Variants in CYB561 observed in about 807,000 individuals in gnomAD.
CYB561 encodes cytochrome b561.
A neutral mutation model predicts 25.3 loss-of-function variants in CYB561; 11 were observed. That is an observed-to-expected ratio of 0.44 (90% CI 0.27 to 0.72). The LOEUF (loss-of-function observed/expected upper bound fraction) is 0.72, where lower values mean the gene tolerates loss of function less well. Among genes scored for constraint, CYB561 ranks in the 30% least tolerant of loss-of-function variants. CYB561 has a pLI of 0.18. For missense variants in CYB561, 295 were observed against 334.9 expected (o/e 0.88, Z 0.93); for synonymous variants, 165 against 158.8 (o/e 1.04, Z -0.29).
At chr17:63,438,927 C>G (rs113187354) in intron 1 of CYB561, among the ~76,000 whole-genome samples, 35 of 152,326 alleles carry the variant, frequency 2.3e-4, no homozygotes, top group African/African-American at 8.2e-4. Flanking sequence ...CTGCCATGGC[C>G]CACAGTTGCC....
intron 1 of CYB561, among the ~76,000 whole-genome samples, chr17:63,442,395 G>C (rs1024643664): frequency 1.1e-4 from 16 of 152,194 alleles, no homozygotes; most frequent in Non-Finnish European, 5.9e-5. Flanking sequence ...TTGCAAACCT[G>C]GACATTGGGT....
In CYB561 at chr17:63,435,079, C is replaced by T; in HGVS notation, c.563+7G>A. The T allele has an allele frequency of 8.1e-6, 13 of 1,611,622 alleles. No homozygotes were observed. Among genetic ancestry groups the T allele is most frequent in the Non-Finnish European group, 1.1e-5 (13 of 1,178,760 alleles). ...AGGCCCTGCCCTCTCCCACCCAGGA[C>T]ACTCACCCGAGGTTGAACAGCAGTG... On this transcript the variant is annotated splice_region_variant and intron_variant, in intron 5 of 5. Coordinates refer to ENST00000360793, the MANE Select transcript of CYB561 (RefSeq NM_001915.4).
chr17:63,441,490 G>A (rs1379974257), intron 1 of CYB561, among the ~76,000 whole-genome samples: 1 of 152,230 alleles, frequency 6.6e-6, no homozygotes, highest in Non-Finnish European at 1.5e-5. Flanking sequence ...CACACAGAGG[G>A]GGCCTGGTCC....
chr17:63,438,084 G>A, intron 1 of CYB561: 1 of 1,533,864 alleles, frequency 6.5e-7, no homozygotes, highest in Non-Finnish European at 8.7e-7. Context: ...GAGTGGCTGG[G>A]GGGAGGGGCC....
chr17:63,441,435 C>T (rs531122821), intron 1 of CYB561, among the ~76,000 whole-genome samples: 6 of 152,370 alleles, frequency 3.9e-5, no homozygotes, highest in African/African-American at 1.2e-4. Flanking sequence ...CAAATAGCAG[C>T]TCAACTCAAC....
intron 2 of CYB561, 114 bp downstream of exon 2, chr17:63,437,232 A>G: frequency 1.2e-6 from 1 of 820,978 alleles, no homozygotes; most frequent in Non-Finnish European, 2.0e-6. Context: ...TGTCTTTTCT[A>G]GAATCTTAGA....
At chr17:63,443,746 G>A (rs1356412194) in intron 1 of CYB561, among the ~76,000 whole-genome samples, 1 of 152,152 alleles carries the variant, frequency 6.6e-6, no homozygotes, top group Non-Finnish European at 1.5e-5. Context: ...TCCCACCTCA[G>A]CCTCTCAAGT....
chr17:63,435,875 G>A, intron 3 of CYB561, 84 bp from the exon 4 acceptor site: 1 of 1,580,982 alleles, frequency 6.3e-7, no homozygotes, highest in African/African-American at 1.3e-5. Flanking sequence ...CAGCTAGCGG[G>A]ACTTCTGGGC....
intron 3 of CYB561, 51 bp from the exon 4 acceptor site, chr17:63,435,842 G>A (rs2049292567): frequency 6.3e-7 from 1 of 1,596,060 alleles, no homozygotes; most frequent in African/African-American, 1.3e-5. Flanking sequence ...GGAAAAGGAA[G>A]GTGTAAGATG....
intron 1 of CYB561, among the ~76,000 whole-genome samples, chr17:63,444,060 C>T (rs1003701720): frequency 3.3e-5 from 5 of 151,996 alleles, no homozygotes; most frequent in South Asian, 2.1e-4. Flanking sequence ...CTCGGGTCAC[C>T]GCAACCTCTG....
At chr17:63,443,801 T>C (rs1237756066) in intron 1 of CYB561, among the ~76,000 whole-genome samples, 1 of 152,110 alleles carries the variant, frequency 6.6e-6, no homozygotes, top group East Asian at 1.9e-4. Flanking sequence ...AATTTTTTCT[T>C]TTTTTGGAGA....
chr17:63,433,253 G>A lies in CYB561; in HGVS notation c.*1149C>T. 2.5e-6 allele frequency: 1 copy of A among 396,970 alleles called. No individual in the cohort carries two copies. The highest frequency in any genetic ancestry group is 4.4e-6 in the Non-Finnish European group (1 of 225,152). 24.6% of individuals were successfully genotyped at this position (396,970 alleles called of 1,614,324 possible). A position where few individuals can be genotyped will look rare whatever the true frequency, so the allele number is the denominator to read the frequency against. On this transcript the variant is annotated 3_prime_UTR_variant, in exon 6 of 6. Coordinates refer to ENST00000360793, the MANE Select transcript of CYB561 (RefSeq NM_001915.4). ...TTTCACTGTGTTTGTTAGTCAGGAT[G>A]GTCTTGATCTCCTGGCCTCGCACAC... is the stretch of plus-strand genomic sequence containing the variant.
At chr17:63,438,107 GGGGACAGGCGTGACCT>G in intron 1 of CYB561, 2 of 1,534,328 alleles carry the variant, frequency 1.3e-6, no homozygotes, top group Non-Finnish European at 1.7e-6. Flanking sequence ...GCCTCCCCAC[GGGGACAGGCGTGACCT>G]GGGACACGAC....
Position 63,434,480 on chromosome 17 carries a change from C to A in CYB561, c.678G>T (p.Arg226=). ...GGGCCTGCTCTTCCGCCTGGGAAGG[C>A]CGCTTCCAGTCGGCCCGGGTCAAGA... The part of the protein sequence containing the change: ...LYILTRADWK[R]PSQAEEQALS... The change falls in exon 6 of 6, where the codon CGG becomes CGT. Residue 226 remains arginine (R), a synonymous_variant. Transcript: ENST00000360793. 1 of 1,611,334 alleles carries A rather than the reference C, an allele frequency of 6.2e-7. No individual in the cohort carries two copies. Among genetic ancestry groups the A allele is most frequent in the South Asian group, 1.1e-5 (1 of 90,438 alleles).
chr17:63,444,283 A>G (rs2049402944), intron 1 of CYB561, among the ~76,000 whole-genome samples: 1 of 152,274 alleles, frequency 6.6e-6, no homozygotes, highest in Admixed American at 6.5e-5. Flanking sequence ...AGCCCAGGTT[A>G]GAGAGATGTG....
chr17:63,442,228 G>A (rs1417049567), intron 1 of CYB561, among the ~76,000 whole-genome samples: 2 of 152,188 alleles, frequency 1.3e-5, no homozygotes, highest in African/African-American at 4.8e-5. Flanking sequence ...GATCCCTTCC[G>A]CAACAGGACT....
At chr17:63,446,125 G>C (rs1414969877) in intron 1 of CYB561, 120 bp downstream of exon 1, 1 of 152,218 alleles carries the variant, frequency 6.6e-6, no homozygotes, top group Non-Finnish European at 1.5e-5. Flanking sequence ...GGGCAGGTGC[G>C]AGGCCGGCTG....
At chr17:63,444,128 G>A (rs952434053) in intron 1 of CYB561, among the ~76,000 whole-genome samples, 16 of 152,076 alleles carry the variant, frequency 1.1e-4, no homozygotes, top group Non-Finnish European at 2.1e-4. Context: ...GATTACAGGC[G>A]TGCTCCACGA....
chr17:63,435,330 C>T (rs1222887468), intron 4 of CYB561, 87 bp from the exon 5 acceptor site: 10 of 1,455,034 alleles, frequency 6.9e-6, no homozygotes, highest in East Asian at 2.3e-5. Context: ...CACGTGCCCA[C>T]GTGGCGACTG....
Sources: gnomAD v4.1 joint callset for allele counts (sites outside exome capture counted in the v4.1 genomes callset) on GRCh38, gnomAD v4.1.1 for gene constraint, MANE v1.5 for transcripts, NCBI Gene and HGNC (gene_info 2026-07-23, HGNC 2026-07-21) for gene names.